NDST4: variants seen among roughly 807,000 people sequenced by gnomAD.
The protein encoded by NDST4 is N-heparan sulfate sulfotransferase 4.
A neutral mutation model predicts 100.8 loss-of-function variants in NDST4; 63 were observed. The observed-to-expected ratio is 0.62, with a 90% confidence interval of 0.51 to 0.77. The LOEUF is 0.77. NDST4 is among the 30% of genes least tolerant of loss of function. The probability of loss-of-function intolerance (pLI) is 0.00; values close to 1 mark genes in which losing one functional copy is unlikely to be tolerated. For synonymous variants in NDST4, 377 were observed against 361.8 expected, an observed-to-expected ratio of 1.04 and a Z score of -0.48; for missense variants, 943 against 1,018.4, an observed-to-expected ratio of 0.93 and a Z score of 1.01.
chr4:115,079,369 A>G (rs1729255917), intron 1 of NDST4, among the ~76,000 whole-genome samples: 1 of 151,962 alleles, frequency 6.6e-6, no homozygotes, highest in Admixed American at 6.6e-5. Flanking sequence ...CTCAGAAAAA[A>G]AAAAAAAAAA....
chr4:115,090,464 T>A (rs1729493304), intron 1 of NDST4, among the ~76,000 whole-genome samples: 1 of 151,980 alleles, frequency 6.6e-6, no homozygotes, highest in South Asian at 2.1e-4. Flanking sequence ...AAAGATAACA[T>A]AATAAAATGA....
chr4:114,896,552 A>T lies in NDST4; in HGVS notation c.1537-25602T>A, dbSNP rs995301940. On this transcript the variant is annotated intron_variant, in intron 6 of 13. Coordinates refer to ENST00000264363, the MANE Select transcript of NDST4 (RefSeq NM_022569.3). ...GGCAGGAGAATCACTCCAACTCAGG[A>T]GGCGGAGGTTGCAGTGAGCCAAGAT... 2.0e-5 allele frequency among the ~76,000 whole-genome samples: 3 copies of T among 150,594 alleles called. No individual in the cohort carries two copies. In the Admixed American group the frequency reaches 2.0e-4, roughly 10 times the overall value.
At chr4:114,840,930 T>C (rs974744087) in intron 10 of NDST4, among the ~76,000 whole-genome samples, 2 of 152,198 alleles carry the variant, frequency 1.3e-5, no homozygotes, top group South Asian at 4.1e-4. Flanking sequence ...TGTTGTTGTA[T>C]ATTTATTGAT....
chr4:115,092,124 T>C (rs376876010), intron 1 of NDST4, among the ~76,000 whole-genome samples: 12 of 152,238 alleles, frequency 7.9e-5, no homozygotes, highest in East Asian at 7.7e-4. Context: ...ATAGAGCAAA[T>C]ATTGCACGAC....
chr4:114,946,622 T>G (rs1003666503), intron 4 of NDST4, among the ~76,000 whole-genome samples: 14 of 152,162 alleles, frequency 9.2e-5, no homozygotes, highest in Non-Finnish European at 1.8e-4. Flanking sequence ...AAGAATTCTA[T>G]TGTTTTTGCA....
intron 2 of NDST4, among the ~76,000 whole-genome samples, chr4:115,040,567 T>G (rs1904480): frequency 0.26 from 39,834 of 151,498 alleles, 7,602 homozygotes; most frequent in African/African-American, 0.52. Flanking sequence ...CTTCCTGTTT[T>G]TGTTGGAAGT....
At chr4:115,001,439 T>C (rs985890100) in intron 2 of NDST4, among the ~76,000 whole-genome samples, 2 of 152,056 alleles carry the variant, frequency 1.3e-5, no homozygotes, top group African/African-American at 4.8e-5. Context: ...CAGAGCTTGT[T>C]CTGCCCCCTG....
intron 6 of NDST4, among the ~76,000 whole-genome samples, chr4:114,903,323 T>G (rs950341171): frequency 6.6e-6 from 1 of 152,130 alleles, no homozygotes; most frequent in Non-Finnish European, 1.5e-5. Flanking sequence ...CCACTGAAGA[T>G]AGCAGAGAGA....
intron 3 of NDST4, among the ~76,000 whole-genome samples, chr4:114,971,995 T>C (rs1413948479): frequency 1.3e-5 from 2 of 148,492 alleles, no homozygotes; most frequent in Non-Finnish European, 3.0e-5. Flanking sequence ...GCACTTAATA[T>C]TGCTACTTGC....
chr4:114,986,337 T>C (rs896341635), intron 2 of NDST4, among the ~76,000 whole-genome samples: 3 of 152,132 alleles, frequency 2.0e-5, no homozygotes, highest in Non-Finnish European at 4.4e-5. Context: ...TCCTAGTAGA[T>C]GTGAGTGGAT....
At chr4:115,044,609 A>G (rs965162376) in intron 2 of NDST4, among the ~76,000 whole-genome samples, 11 of 151,736 alleles carry the variant, frequency 7.2e-5, no homozygotes, top group Non-Finnish European at 1.2e-4. Flanking sequence ...GGTGAAAAAC[A>G]CTCCTATGTA....
chr4:115,083,410 T>C (rs1041365484), intron 1 of NDST4, among the ~76,000 whole-genome samples: 7 of 152,124 alleles, frequency 4.6e-5, no homozygotes, highest in Non-Finnish European at 8.8e-5. Flanking sequence ...CAGTGAGCTA[T>C]GATTGCACCA....
chr4:114,841,775 G>C (rs1364605851), intron 10 of NDST4, among the ~76,000 whole-genome samples: 4 of 152,262 alleles, frequency 2.6e-5, no homozygotes, highest in Middle Eastern at 3.4e-3. Context: ...CTTGTACCTT[G>C]TGGGAAATAC....
chr4:114,864,297 G>C (rs1378459874), intron 7 of NDST4, among the ~76,000 whole-genome samples: 1 of 152,156 alleles, frequency 6.6e-6, no homozygotes. Flanking sequence ...GAGGCCATTG[G>C]TTTGCTTTTC....
intron 4 of NDST4, among the ~76,000 whole-genome samples, chr4:114,938,310 T>G (rs1256346810): frequency 6.6e-6 from 1 of 152,194 alleles, no homozygotes; most frequent in Non-Finnish European, 1.5e-5. Flanking sequence ...TTTGTTTTTA[T>G]AAATCTTACA....
chr4:114,856,659 A>T (rs923444556), intron 7 of NDST4, among the ~76,000 whole-genome samples: 8 of 152,202 alleles, frequency 5.3e-5, no homozygotes, highest in Admixed American at 3.9e-4. Flanking sequence ...CAGTGTTATT[A>T]TATAGACTAA....
At chr4:115,025,392 G>T (rs994899859) in intron 2 of NDST4, among the ~76,000 whole-genome samples, 3 of 152,152 alleles carry the variant, frequency 2.0e-5, no homozygotes, top group Non-Finnish European at 4.4e-5. Flanking sequence ...CTTACCTGGA[G>T]AATGTCTGAC....
chr4:115,091,508 T>C (rs1197540910), intron 1 of NDST4, among the ~76,000 whole-genome samples: 1 of 152,094 alleles, frequency 6.6e-6, no homozygotes, highest in Non-Finnish European at 1.5e-5. Context: ...AGAGCTATAT[T>C]TGAAATAACT....
chr4:114,973,661 T>C (rs915128272), intron 3 of NDST4, among the ~76,000 whole-genome samples: 1 of 151,938 alleles, frequency 6.6e-6, no homozygotes, highest in African/African-American at 2.4e-5. Flanking sequence ...AGTATGCTTC[T>C]GAAATTTCTT....
Sources: gnomAD v4.1 joint callset for allele counts (sites outside exome capture counted in the v4.1 genomes callset) on GRCh38, gnomAD v4.1.1 for gene constraint, MANE v1.5 for transcripts, NCBI Gene and HGNC (gene_info 2026-07-23, HGNC 2026-07-21) for gene names.